CBLB: variants seen among roughly 807,000 people sequenced by gnomAD.
CBLB encodes E3 ubiquitin-protein ligase CBL-B.
A neutral mutation model predicts 104.9 loss-of-function variants in CBLB; 31 were observed. The ratio of observed to expected loss-of-function variants is 0.30; its 90% CI spans 0.22 to 0.40. The LOEUF (loss-of-function observed/expected upper bound fraction) is 0.40. Among genes scored for constraint, CBLB ranks in the 10% least tolerant of loss-of-function variants. The pLI is 1.00. For missense variants in CBLB, 1,062 were observed against 1,214.6 expected (o/e 0.87, Z 1.87); for synonymous variants, 440 against 422.6 (o/e 1.04, Z -0.51).
At chr3:105,855,149 A>G (rs967102745) in intron 2 of CBLB, among the ~76,000 whole-genome samples, 1 of 152,230 alleles carries the variant, frequency 6.6e-6, no homozygotes, top group Admixed American at 6.5e-5. Context: ...GCAGGCAAAG[A>G]AAGAATATAC....
intron 18 of CBLB, among the ~76,000 whole-genome samples, chr3:105,664,106 A>G (rs1211396898): frequency 1.3e-5 from 2 of 152,110 alleles, no homozygotes; most frequent in Non-Finnish European, 2.9e-5. Context: ...TTCTTTTTCT[A>G]TATTCTGAAA....
chr3:105,734,247 T>A, intron 8 of CBLB, 107 bp from the exon 9 acceptor site: 1 of 1,107,470 alleles, frequency 9.0e-7, no homozygotes, highest in East Asian at 2.5e-5. Flanking sequence ...ATCTCACAAT[T>A]GACCTTGTCA....
At chr3:105,747,503 T>A (rs976109790) in intron 5 of CBLB, among the ~76,000 whole-genome samples, 1 of 152,062 alleles carries the variant, frequency 6.6e-6, no homozygotes, top group Non-Finnish European at 1.5e-5. Flanking sequence ...ACAAGAAAAA[T>A]CTTTGGGGTA....
At chr3:105,853,350 AACTATTAAGT>A in intron 3 of CBLB, 54 bp downstream of exon 3, 1 of 1,540,662 alleles carries the variant, frequency 6.5e-7, no homozygotes, top group Non-Finnish European at 9.0e-7. Flanking sequence ...CGTTTAGGTT[AACTATTAAGT>A]AAAAAGCAAC....
chr3:105,838,357 C>T (rs1231079872), intron 3 of CBLB, among the ~76,000 whole-genome samples: 1 of 138,022 alleles, frequency 7.2e-6, no homozygotes, highest in African/African-American at 2.7e-5. Flanking sequence ...ATATCATTAA[C>T]TGCCACATGA....
intron 6 of CBLB, among the ~76,000 whole-genome samples, chr3:105,741,645 T>G (rs879609957): frequency 6.6e-6 from 1 of 152,186 alleles, no homozygotes; most frequent in Non-Finnish European, 1.5e-5. Context: ...TCTGCCCGCC[T>G]TGGCCTCCCA....
At chr3:105,805,239 G>C (rs576315695) in intron 3 of CBLB, among the ~76,000 whole-genome samples, 1 of 151,870 alleles carries the variant, frequency 6.6e-6, no homozygotes, top group East Asian at 1.9e-4. Context: ...TTCTCTCCAG[G>C]CCAAACGAGA....
chr3:105,736,741 C>T (rs978947250), intron 8 of CBLB, among the ~76,000 whole-genome samples: 9 of 151,928 alleles, frequency 5.9e-5, no homozygotes, highest in Non-Finnish European at 1.3e-4. Context: ...AAGGTTTTAC[C>T]AACTTACATT....
At chr3:105,699,396 G>T (rs2068794470) in intron 12 of CBLB, among the ~76,000 whole-genome samples, 1 of 151,970 alleles carries the variant, frequency 6.6e-6, no homozygotes, top group Admixed American at 6.6e-5. Context: ...TAGATACCAG[G>T]TATTATTATT....
intron 4 of CBLB, among the ~76,000 whole-genome samples, chr3:105,769,098 G>A (rs1034826084): frequency 6.6e-6 from 1 of 152,160 alleles, no homozygotes; most frequent in East Asian, 1.9e-4. Flanking sequence ...TGGATCACCT[G>A]AGGTCAGGAG....
At chr3:105,678,281 G>A (rs541202327) in intron 17 of CBLB, 150 bp downstream of exon 17, 20 of 724,498 alleles carry the variant, frequency 2.8e-5, no homozygotes, top group South Asian at 1.4e-4. Context: ...ACAAACAAAC[G>A]TACCCACGAT....
intron 3 of CBLB, among the ~76,000 whole-genome samples, chr3:105,798,204 TA>T (rs2082447598): frequency 6.6e-6 from 1 of 152,242 alleles, no homozygotes; most frequent in Non-Finnish European, 1.5e-5. Flanking sequence ...AAGTCCTAGT[TA>T]ATTCCTTTTC....
intron 3 of CBLB, among the ~76,000 whole-genome samples, chr3:105,824,400 A>G (rs1265560341): frequency 1.3e-5 from 2 of 152,132 alleles, no homozygotes; most frequent in Non-Finnish European, 2.9e-5. Context: ...ACTACAGGCT[A>G]GTTTTTTGCC....
At chr3:105,869,049 G>C (rs1203612439), upstream of CBLB, 1 of 1,061,300 alleles carries the variant, frequency 9.4e-7, no homozygotes, top group Non-Finnish European at 1.2e-6. Context: ...CCCAGGCTCG[G>C]GGCGGGGCGG....
intron 3 of CBLB, among the ~76,000 whole-genome samples, chr3:105,843,322 T>C (rs2089803939): frequency 6.6e-6 from 1 of 152,212 alleles, no homozygotes. Context: ...ACAAAATGAA[T>C]GTGGTGTTTG....
intron 2 of CBLB, among the ~76,000 whole-genome samples, chr3:105,856,957 T>C (rs1364518542): frequency 1.3e-5 from 2 of 152,178 alleles, no homozygotes; most frequent in Admixed American, 6.5e-5. Context: ...CCAAAAATAC[T>C]ATCACAAGTA....
intron 17 of CBLB, among the ~76,000 whole-genome samples, chr3:105,676,740 A>C (rs1394841972): frequency 6.6e-6 from 1 of 152,234 alleles, no homozygotes; most frequent in Non-Finnish European, 1.5e-5. Flanking sequence ...GTCCCCACTC[A>C]AATTTCATTT....
At chr3:105,798,685 G>T (rs565805252) in intron 3 of CBLB, among the ~76,000 whole-genome samples, 1 of 152,276 alleles carries the variant, frequency 6.6e-6, no homozygotes, top group African/African-American at 2.4e-5. Flanking sequence ...TATTGAGACT[G>T]GGGGTAGGGG....
intron 3 of CBLB, among the ~76,000 whole-genome samples, chr3:105,811,607 A>G (rs1466923321): frequency 6.6e-6 from 1 of 152,262 alleles, no homozygotes; most frequent in Admixed American, 6.5e-5. Flanking sequence ...CAAACTGGGT[A>G]AAGTTTCAAA....
Sources: allele counts gnomAD v4.1 joint callset (sites outside exome capture counted in the v4.1 genomes callset), GRCh38; gene constraint gnomAD v4.1.1; transcripts MANE v1.5; gene names NCBI Gene and HGNC (gene_info 2026-07-23, HGNC 2026-07-21).